KLF13: variants seen among roughly 807,000 people sequenced by gnomAD.
KLF13 encodes the protein KLF transcription factor 13, also known as Krueppel-like factor 13.
KLF13 carries 8 observed loss-of-function variants against 16.7 expected under a neutral mutation model. That is an observed-to-expected ratio of 0.48 (90% CI 0.28 to 0.87). KLF13 has a LOEUF of 0.87. KLF13 is among the 40% of genes least tolerant of loss of function. The pLI is 0.10. For synonymous variants in KLF13, 245 were observed against 208.4 expected (o/e 1.18, Z -1.51); for missense variants, 447 against 452.2 (o/e 0.99, Z 0.10).
At chr15:31,346,223 C>T (rs1409801494) in intron 1 of KLF13, among the ~76,000 whole-genome samples, 3 of 152,190 alleles carry the variant, frequency 2.0e-5, no homozygotes, top group South Asian at 2.1e-4. Flanking sequence ...AGCACCTCTT[C>T]GTTTTTCTGA....
chr15:31,327,137 T>A lies in KLF13; in HGVS notation c.-76T>A. 9.9e-5 allele frequency: 85 copies of A among 856,920 alleles called. No individual in the cohort carries two copies. Among genetic ancestry groups the A allele is most frequent in the East Asian group, 1.8e-4 (2 of 10,930 alleles). 53.1% of individuals were successfully genotyped at this position (856,920 alleles called of 1,614,324 possible). A position where few individuals can be genotyped will look rare whatever the true frequency, so the allele number is the denominator to read the frequency against. Reference sequence around the variant, plus strand: ...CGCCGCGCCCCCGCCCCCCGCCCGCTCTCCCGAGGCCGTGGGTGCGGATGC... The same window carrying A: ...CGCCGCGCCCCCGCCCCCCGCCCGCACTCCCGAGGCCGTGGGTGCGGATGC... On this transcript the variant is annotated 5_prime_UTR_variant, in exon 1 of 2. Coordinates refer to ENST00000307145, the MANE Select transcript of KLF13 (RefSeq NM_015995.4).
At position 31,352,160 on chromosome 15, in the gene KLF13, C is replaced by T. The variant is rs142571706; in HGVS notation, c.578-19850C>T. Among the ~76,000 whole-genome samples the T allele has an allele frequency of 2.8e-4, 42 of 152,310 alleles. No homozygotes were observed. The East Asian group carries it at 5.4e-3, about 20-fold the overall frequency. ...CAACAGAGGGGTCGCCACGCTGCCC[C>T]GTACCTGGGAGCTTCAGACTGTTCC... On this transcript the variant is annotated intron_variant, in intron 1 of 1. Transcript: ENST00000307145.
intron 1 of KLF13, among the ~76,000 whole-genome samples, chr15:31,361,896 G>A (rs570130676): frequency 4.9e-5 from 7 of 142,384 alleles, no homozygotes; most frequent in African/African-American, 8.0e-5. Context: ...TACCCACCAC[G>A]TGCTCTGCCC....
At chr15:31,333,265 A>C (rs1023568311) in intron 1 of KLF13, among the ~76,000 whole-genome samples, 17 of 152,206 alleles carry the variant, frequency 1.1e-4, no homozygotes, top group African/African-American at 3.4e-4. Flanking sequence ...AAGGTCACAC[A>C]GTAAGTGAGG....
At chr15:31,405,402 C>G (rs751912091), downstream of KLF13, among the ~76,000 whole-genome samples, 2 of 152,252 alleles carry the variant, frequency 1.3e-5, no homozygotes, top group African/African-American at 4.8e-5. Context: ...AGACTGCGGT[C>G]TACGAACCAG....
intron 1 of KLF13, among the ~76,000 whole-genome samples, chr15:31,328,475 C>T (rs914777760): frequency 1.3e-5 from 2 of 151,802 alleles, no homozygotes; most frequent in African/African-American, 4.8e-5. Flanking sequence ...CCATCCGGCC[C>T]GGCGGGGGCG....
intron 1 of KLF13, among the ~76,000 whole-genome samples, chr15:31,370,197 A>G (rs955042895): frequency 4.0e-5 from 6 of 149,712 alleles, no homozygotes; most frequent in Admixed American, 3.3e-4. Context: ...TCCCCCCAAC[A>G]CCCTTTCCCC....
intron 1 of KLF13, among the ~76,000 whole-genome samples, chr15:31,414,284 G>GA (rs2040230733): frequency 6.6e-6 from 1 of 151,952 alleles, no homozygotes; most frequent in African/African-American, 2.4e-5. Context: ...ACTTAATGCA[G>GA]AAAAAGCAGT....
At chr15:31,399,225 C>T (rs768393471) in intron 2 of KLF13, among the ~76,000 whole-genome samples, 4 of 152,172 alleles carry the variant, frequency 2.6e-5, no homozygotes, top group South Asian at 2.1e-4. Context: ...TTTCCCCCTG[C>T]GGCTGGAGTG....
At chr15:31,342,719 T>C (rs909501630) in intron 1 of KLF13, among the ~76,000 whole-genome samples, 1 of 152,268 alleles carries the variant, frequency 6.6e-6, no homozygotes, top group Non-Finnish European at 1.5e-5. Context: ...CTTTATTTTC[T>C]TTCTTTTTTG....
Position 31,377,883 on chromosome 15 carries a change from TATG to T in KLF13, c.*5587_*5589del, listed in dbSNP as rs2039675398. 6.6e-6 allele frequency: 1 copy of T among 152,630 alleles called. No homozygotes were observed. Among genetic ancestry groups the T allele is most frequent in the Non-Finnish European group, 1.5e-5 (1 of 68,036 alleles). 9.5% of individuals were successfully genotyped at this position (152,630 alleles called of 1,614,324 possible). On this transcript the variant is annotated 3_prime_UTR_variant, in exon 2 of 2. Transcript: ENST00000307145. Reference sequence around the variant, plus strand: ...GACGTTTACATTTTGAAATAAAATTTATGATTCATTATTTTATTTGCTGGAGCT... The same window carrying T: ...GACGTTTACATTTTGAAATAAAATTTATTCATTATTTTATTTGCTGGAGCT...
At chr15:31,391,434 G>T (rs1235671687), upstream of KLF13, among the ~76,000 whole-genome samples, 1 of 139,852 alleles carries the variant, frequency 7.2e-6, no homozygotes, top group Non-Finnish European at 1.6e-5. Context: ...CTGTTGGGGG[G>T]CTGTGCTCCA....
At chr15:31,380,550 G>A (rs1385294502), downstream of KLF13, among the ~76,000 whole-genome samples, 1 of 152,198 alleles carries the variant, frequency 6.6e-6, no homozygotes, top group Admixed American at 6.5e-5. Flanking sequence ...TCATGTTGGG[G>A]TGTGGACTGG....
chr15:31,427,141 C>T (rs1182574782), intron 1 of KLF13, among the ~76,000 whole-genome samples: 1 of 152,156 alleles, frequency 6.6e-6, no homozygotes, highest in Non-Finnish European at 1.5e-5. Context: ...GGACTTCTCA[C>T]TCTCCATAAT....
chr15:31,384,267 C>T (rs951865455), intron 1 of KLF13, among the ~76,000 whole-genome samples: 10 of 152,012 alleles, frequency 6.6e-5, no homozygotes, highest in African/African-American at 1.4e-4. Flanking sequence ...GGTGAAACCT[C>T]GTCTCTACTA....
rs548803826 is a variant in KLF13 at position 31,384,964 on chromosome 15, G to A, written n.224-50406G>A. On this transcript the variant is annotated intron_variant and non_coding_transcript_variant, in intron 1 of 1. Coordinates refer to the KLF13 transcript ENST00000558921. ...CCCTCAATAGGATGGCATTAAGGAG[G>A]TAAGGCCTTGGGGAGGTGATTAGAC... 2.0e-5 allele frequency among the ~76,000 whole-genome samples: 3 copies of A among 152,324 alleles called. No individual in the cohort carries two copies. The South Asian group carries it at 6.2e-4, about 32-fold the overall frequency.
At chr15:31,415,947 A>AG (rs1235738753) in intron 1 of KLF13, among the ~76,000 whole-genome samples, 2 of 152,104 alleles carry the variant, frequency 1.3e-5, no homozygotes, top group Admixed American at 1.3e-4. Flanking sequence ...AGAAAAAAAA[A>AG]GAGGGCTCAA....
chr15:31,433,586 T>A (rs2040497059), intron 1 of KLF13, among the ~76,000 whole-genome samples: 1 of 152,142 alleles, frequency 6.6e-6, no homozygotes, highest in African/African-American at 2.4e-5. Context: ...AGAACTCACC[T>A]GTTTCCCACC....
intron 1 of KLF13, among the ~76,000 whole-genome samples, chr15:31,351,217 T>C (rs2039210078): frequency 2.6e-5 from 4 of 152,214 alleles, no homozygotes; most frequent in Admixed American, 2.6e-4. Flanking sequence ...AGATCATCAT[T>C]TGAGTGCCTG....
Sources: gnomAD v4.1 joint callset for allele counts (sites outside exome capture counted in the v4.1 genomes callset) on GRCh38, gnomAD v4.1.1 for gene constraint, MANE v1.5 for transcripts, NCBI Gene and HGNC (gene_info 2026-07-23, HGNC 2026-07-21) for gene names.